Variants in VRK1 observed in about 807,000 individuals in gnomAD.
VRK1 encodes serine/threonine-protein kinase VRK1.
VRK1 carries 33 observed loss-of-function variants against 57.1 expected under a neutral mutation model. The observed-to-expected ratio is 0.58, with a 90% CI of 0.44 to 0.77. The LOEUF is 0.77. VRK1 is among the 30% of genes least tolerant of loss of function. The pLI, the probability that VRK1 is intolerant of heterozygous loss-of-function variation, is 0.00. For missense variants in VRK1, 413 were observed against 477.3 expected (o/e 0.87, Z 1.25); for synonymous variants, 137 against 147.8 (o/e 0.93, Z 0.53).
chr14:96,865,435 T>C (rs1411767836), intron 11 of VRK1, among the ~76,000 whole-genome samples: 1 of 152,196 alleles, frequency 6.6e-6, no homozygotes, highest in African/African-American at 2.4e-5. Flanking sequence ...ACTATTGTCT[T>C]CATAATGATA....
chr14:96,870,771 T>A (rs557035119), intron 11 of VRK1, among the ~76,000 whole-genome samples: 1 of 152,332 alleles, frequency 6.6e-6, no homozygotes, highest in East Asian at 1.9e-4. Flanking sequence ...CTCTTGTAGA[T>A]CATGTAATCA....
Position 96,852,679 on chromosome 14 carries a change from T to C in VRK1, c.375-152T>C, listed in dbSNP as rs1887996933. 1.3e-5 allele frequency: 9 copies of C among 682,778 alleles called. No individual in the cohort carries two copies. In the South Asian group the frequency reaches 1.5e-4, roughly 11 times the overall value. 42.3% of individuals were successfully genotyped at this position (682,778 alleles called of 1,614,324 possible). On this transcript the variant is annotated intron_variant, in intron 5 of 12. Transcript: ENST00000216639. Reference sequence around the variant, plus strand: ...CTCTGAACTCTTTGAGATTTCTAGTTGGGAGAAATTGTTTCAAATGTTTGT... The same window carrying C: ...CTCTGAACTCTTTGAGATTTCTAGTCGGGAGAAATTGTTTCAAATGTTTGT...
At chr14:96,819,395 T>C (rs1033150347) in intron 1 of VRK1, among the ~76,000 whole-genome samples, 2 of 152,210 alleles carry the variant, frequency 1.3e-5, no homozygotes, top group Non-Finnish European at 2.9e-5. Context: ...AAGTAAGATG[T>C]ACCAGAATAT....
chr14:96,867,510 C>T (rs1213030985), intron 11 of VRK1, among the ~76,000 whole-genome samples: 3 of 150,748 alleles, frequency 2.0e-5, no homozygotes, highest in African/African-American at 7.3e-5. Context: ...TGTTTTTACA[C>T]TTTAATTAGT....
chr14:96,869,050 A>G (rs1172526913), intron 11 of VRK1, among the ~76,000 whole-genome samples: 1 of 151,958 alleles, frequency 6.6e-6, no homozygotes, highest in African/African-American at 2.4e-5. Flanking sequence ...GCCTCAGCCT[A>G]CCTAAGTGCT....
chr14:96,809,242 C>G (rs1293455955), intron 1 of VRK1, among the ~76,000 whole-genome samples: 1 of 152,192 alleles, frequency 6.6e-6, no homozygotes, highest in Non-Finnish European at 1.5e-5. Context: ...CCACCATACT[C>G]TATTGGTTGA....
At position 96,825,882 on chromosome 14, in the gene VRK1, T is replaced by C. The variant is rs376008606; in HGVS notation, c.-5-7585T>C. On this transcript the variant is annotated intron_variant, in intron 1 of 12. Coordinates refer to ENST00000216639, the MANE Select transcript of VRK1 (RefSeq NM_003384.3). ...ACATGACCCCCTAAAGGAGTTTACA[T>C]GCAGAACTATTTTGGGGAAAATTTA... 2.6e-5 allele frequency among the ~76,000 whole-genome samples: 4 copies of C among 152,236 alleles called. No homozygotes were observed. In the East Asian group the frequency reaches 7.7e-4, roughly 29 times the overall value.
intron 7 of VRK1, among the ~76,000 whole-genome samples, chr14:96,854,756 A>G (rs1595675952): frequency 6.6e-6 from 1 of 152,006 alleles, no homozygotes; most frequent in East Asian, 1.9e-4. Context: ...GTGAAGAAAC[A>G]GAGGAATAGA....
At chr14:96,829,996 G>A (rs1300852127) in intron 1 of VRK1, among the ~76,000 whole-genome samples, 2 of 152,006 alleles carry the variant, frequency 1.3e-5, no homozygotes, top group Non-Finnish European at 2.9e-5. Context: ...AAATTTAGCT[G>A]GGTATAAAAT....
Position 96,811,915 on chromosome 14 carries a change from A to G in VRK1, c.-6+14468A>G, listed in dbSNP as rs571785699. ...CATAATCTAATTTTAGAATGCTTTC[A>G]TCAGTACTAAAACCCCCTACTCATT... On this transcript the variant is annotated intron_variant, in intron 1 of 12. Coordinates refer to ENST00000216639, the MANE Select transcript of VRK1 (RefSeq NM_003384.3). Among the ~76,000 whole-genome samples, 25 of 152,280 alleles carry G rather than the reference A, an allele frequency of 1.6e-4. 1 individual carries two copies. Among genetic ancestry groups the G allele is most frequent in the African/African-American group, 6.0e-4 (25 of 41,558 alleles).
chr14:96,845,669 G>T (rs1887654732), intron 3 of VRK1, among the ~76,000 whole-genome samples: 1 of 152,146 alleles, frequency 6.6e-6, no homozygotes, highest in Admixed American at 6.5e-5. Context: ...ATGAAAACAG[G>T]AAAGGAATGG....
chr14:96,866,752 C>A (rs746116687), intron 11 of VRK1, among the ~76,000 whole-genome samples: 10 of 152,164 alleles, frequency 6.6e-5, no homozygotes, highest in Admixed American at 1.3e-4. Context: ...TGCTCACATT[C>A]TTGAAGTGTC....
rs972287015 is a variant in VRK1, at chr14:96,803,391, G to A, written c.-6+5944G>A. On this transcript the variant is annotated intron_variant, in intron 1 of 12. Transcript: ENST00000216639. ...TCACCATTTTGGCCAGGCTGGTCTC[G>A]AACTCCTGACTTCAGGTGATCCGCC... 3.9e-5 allele frequency among the ~76,000 whole-genome samples: 6 copies of A among 152,038 alleles called. No individual in the cohort carries two copies. In the East Asian group the frequency reaches 1.2e-3, roughly 29 times the overall value.
In VRK1 at chr14:96,833,573, AAAGG is replaced by A. The variant is rs1298866730; in HGVS notation, c.105_108del (p.Lys35AsnfsTer4). ...GAGAGATAATAACTGACATGGCAAAAAAGGAATGGAAAGTAGGATTACCCATTGG... is the reference window on the plus strand; with the variant it reads ...GAGAGATAATAACTGACATGGCAAAAAATGGAAAGTAGGATTACCCATTGG... On this transcript the variant is annotated frameshift_variant, in exon 2 of 13. Transcript: ENST00000216639. LOFTEE classifies it high-confidence loss of function. 1.9e-6 allele frequency: 3 copies of A among 1,613,744 alleles called. No individual in the cohort carries two copies. Among genetic ancestry groups the A allele is most frequent in the Non-Finnish European group, 2.5e-6 (3 of 1,179,796 alleles).
At chr14:96,874,061 G>C (rs1452012428) in intron 11 of VRK1, among the ~76,000 whole-genome samples, 1 of 152,132 alleles carries the variant, frequency 6.6e-6, no homozygotes, top group African/African-American at 2.4e-5. Flanking sequence ...AATGCACTTA[G>C]GTTCTTGGGT....
intron 1 of VRK1, among the ~76,000 whole-genome samples, chr14:96,819,018 G>A (rs957826711): frequency 1.3e-5 from 2 of 152,180 alleles, no homozygotes; most frequent in Non-Finnish European, 2.9e-5. Flanking sequence ...ATTGTCTTTA[G>A]ATGTATTGCT....
intron 2 of VRK1, among the ~76,000 whole-genome samples, chr14:96,835,702 G>A (rs1454930510): frequency 6.6e-6 from 1 of 152,178 alleles, no homozygotes; most frequent in Non-Finnish European, 1.5e-5. Context: ...AGGCATTCTT[G>A]AGCATTCCTT....
intron 11 of VRK1, among the ~76,000 whole-genome samples, chr14:96,875,630 A>G (rs1888997013): frequency 6.6e-6 from 1 of 152,102 alleles, no homozygotes; most frequent in African/African-American, 2.4e-5. Context: ...CACCCCACCC[A>G]TGTTGTACAA....
intron 3 of VRK1, among the ~76,000 whole-genome samples, chr14:96,845,309 C>T (rs760493998): frequency 1.4e-4 from 21 of 152,076 alleles, no homozygotes; most frequent in Non-Finnish European, 2.6e-4. Flanking sequence ...AAAAAGTCCA[C>T]AGAATTATAA....
Sources: gnomAD v4.1 joint callset for allele counts (sites outside exome capture counted in the v4.1 genomes callset) on GRCh38, gnomAD v4.1.1 for gene constraint, MANE v1.5 for transcripts, NCBI Gene and HGNC (gene_info 2026-07-23, HGNC 2026-07-21) for gene names.